The following GPHN variants were observed in gnomAD, a reference collection of about 807,000 sequenced individuals.
GPHN encodes gephyrin.
A neutral mutation model predicts 95.5 loss-of-function variants in GPHN; 17 were observed. The ratio of observed to expected loss-of-function variants is 0.18; its 90% CI spans 0.12 to 0.27. The LOEUF (loss-of-function observed/expected upper bound fraction) is 0.27. Among genes scored for constraint, GPHN ranks in the 10% least tolerant of loss-of-function variants. GPHN has a pLI of 1.00. For synonymous variants in GPHN, 320 were observed against 322.5 expected, an observed-to-expected ratio of 0.99 and a Z score of 0.08; for missense variants, 660 against 978.1, an observed-to-expected ratio of 0.67 and a Z score of 4.34.
intron 4 of GPHN, among the ~76,000 whole-genome samples, chr14:66,835,975 C>T (rs1402326128): frequency 7.1e-6 from 1 of 141,220 alleles, no homozygotes; most frequent in Non-Finnish European, 1.5e-5. Flanking sequence ...ATTCCATGCT[C>T]ATGGGTAGGA....
intron 14 of GPHN, among the ~76,000 whole-genome samples, chr14:67,110,975 A>G (rs2078333699): frequency 6.6e-6 from 1 of 152,256 alleles, no homozygotes; most frequent in Non-Finnish European, 1.5e-5. Context: ...TAATAAAAGT[A>G]GAATAGATTC....
rs577225298 is a variant in GPHN at position 66,883,757 on chromosome 14, C to T, written c.389+3724C>T. Among the ~76,000 whole-genome samples, 4 of 152,110 alleles carry T rather than the reference C, an allele frequency of 2.6e-5. No individual in the cohort carries two copies. The East Asian group carries it at 7.7e-4, about 29-fold the overall frequency. On this transcript the variant is annotated intron_variant, in intron 5 of 22. Transcript: ENST00000478722. ...CCTTTGCTATATTGTTAGTGTCTGC[C>T]CAGTACATGAATGATTTAGGAGTTA...
At chr14:67,121,770 G>A (rs2079021205) in intron 16 of GPHN, among the ~76,000 whole-genome samples, 2 of 152,062 alleles carry the variant, frequency 1.3e-5, no homozygotes, top group African/African-American at 4.8e-5. Flanking sequence ...CTTCACATAA[G>A]CTTAGCTTCT....
At chr14:67,606,942 G>C in the GPHN span, among the ~76,000 whole-genome samples, 1 of 152,096 alleles carries the variant, frequency 6.6e-6, no homozygotes, top group Non-Finnish European at 1.5e-5. Flanking sequence ...CACCCTGCCC[G>C]GCCAAGAGCC....
chr14:66,630,077 T>C (rs2063733301), intron 1 of GPHN, among the ~76,000 whole-genome samples: 1 of 152,116 alleles, frequency 6.6e-6, no homozygotes. Flanking sequence ...CTGTATTACA[T>C]CCAGAGGAGG....
chr14:67,364,477 G>A, the GPHN span: 8 of 289,304 alleles, frequency 2.8e-5, no homozygotes, highest in East Asian at 3.3e-4. Flanking sequence ...TAATCCTTAG[G>A]TCTTGGAGTA....
the GPHN span, chr14:67,561,926 C>G: frequency 3.2e-6 from 5 of 1,567,248 alleles, no homozygotes; most frequent in South Asian, 4.4e-5. Flanking sequence ...GCTGGGTGTC[C>G]TAAATCTTCA....
the GPHN span, among the ~76,000 whole-genome samples, chr14:67,431,696 A>G: frequency 5.3e-5 from 8 of 151,764 alleles, no homozygotes; most frequent in Non-Finnish European, 1.5e-5. Context: ...CAACTCAACA[A>G]CAGCAGCAGC....
chr14:67,593,580 A>G, the GPHN span: 1 of 586,764 alleles, frequency 1.7e-6, no homozygotes, highest in South Asian at 2.2e-5. Flanking sequence ...TTGAAATGCT[A>G]ATTCCCTATC....
the GPHN span, among the ~76,000 whole-genome samples, chr14:67,418,707 C>A: frequency 3.3e-5 from 5 of 152,014 alleles, no homozygotes; most frequent in Admixed American, 1.3e-4. Flanking sequence ...GATACTGTCA[C>A]CACCATGGAA....
intron 12 of GPHN, among the ~76,000 whole-genome samples, chr14:67,095,057 C>G (rs1398605354): frequency 6.6e-6 from 1 of 152,176 alleles, no homozygotes; most frequent in Non-Finnish European, 1.5e-5. Flanking sequence ...ATGCATTTCT[C>G]AGAATATATC....
the GPHN span, among the ~76,000 whole-genome samples, chr14:67,529,942 A>T: frequency 1.3e-5 from 2 of 152,000 alleles, no homozygotes; most frequent in Non-Finnish European, 2.9e-5. Flanking sequence ...GGAGGAGGGG[A>T]TCCCTTGATT....
chr14:66,784,743 C>T (rs1002814778), intron 3 of GPHN, among the ~76,000 whole-genome samples: 26 of 152,052 alleles, frequency 1.7e-4, no homozygotes, highest in African/African-American at 6.0e-4. Context: ...ATACTCAAAA[C>T]GCTATGAATA....
At chr14:67,110,690 C>A (rs565834982) in intron 14 of GPHN, among the ~76,000 whole-genome samples, 1 of 152,246 alleles carries the variant, frequency 6.6e-6, no homozygotes, top group Non-Finnish European at 1.5e-5. Flanking sequence ...TTCATGAAAT[C>A]AGAATTTACT....
the GPHN span, among the ~76,000 whole-genome samples, chr14:67,527,922 G>A: frequency 6.6e-6 from 1 of 152,196 alleles, no homozygotes; most frequent in Non-Finnish European, 1.5e-5. Context: ...GAGGAGGGGA[G>A]GTCAAGGAGC....
chr14:66,961,900 GTATA>G (rs767734322), intron 8 of GPHN, among the ~76,000 whole-genome samples: 1,190 of 52,720 alleles, frequency 0.023, 13 homozygotes, highest in Non-Finnish European at 0.027. Context: ...CCCTGAATGT[GTATA>G]TATATATATA....
At chr14:67,587,345 G>T in the GPHN span, 1 of 1,241,614 alleles carries the variant, frequency 8.1e-7, no homozygotes, top group South Asian at 1.2e-5. Context: ...GGCTACTCTT[G>T]TTCTGTGAAA....
At chr14:66,886,934 G>A (rs1428099598) in intron 5 of GPHN, among the ~76,000 whole-genome samples, 1 of 152,154 alleles carries the variant, frequency 6.6e-6, no homozygotes, top group African/African-American at 2.4e-5. Flanking sequence ...AAAAACTTCA[G>A]GGAAACTCAG....
the GPHN span, among the ~76,000 whole-genome samples, chr14:67,374,076 A>G: frequency 6.6e-6 from 1 of 152,168 alleles, no homozygotes; most frequent in Non-Finnish European, 1.5e-5. Flanking sequence ...TTCTGAAAAC[A>G]ATTCAGAATC....
Sources: gnomAD v4.1 joint callset for allele counts (sites outside exome capture counted in the v4.1 genomes callset) on GRCh38, gnomAD v4.1.1 for gene constraint, MANE v1.5 for transcripts, NCBI Gene and HGNC (gene_info 2026-07-23, HGNC 2026-07-21) for gene names.